The following ADARB1 variants were observed in gnomAD, a reference collection of about 807,000 sequenced individuals.
ADARB1 encodes adenosine deaminase RNA specific B1, also known as double-stranded RNA-specific editase 1.
ADARB1 carries 10 observed loss-of-function variants against 52.4 expected under a neutral mutation model. The ratio of observed to expected loss-of-function variants is 0.19; its 90% confidence interval spans 0.12 to 0.32. The LOEUF (loss-of-function observed/expected upper bound fraction) is 0.32, where lower values mean the gene tolerates loss of function less well. Among genes scored for constraint, ADARB1 ranks in the 10% least tolerant of loss-of-function variants. The pLI is 1.00. For synonymous variants in ADARB1, 349 were observed against 371.1 expected, an observed-to-expected ratio of 0.94 and a Z score of 0.68; for missense variants, 643 against 922.3, an observed-to-expected ratio of 0.70 and a Z score of 3.92.
At chr21:45,112,277 A>T (rs931075205) in intron 1 of ADARB1, among the ~76,000 whole-genome samples, 1 of 152,156 alleles carries the variant, frequency 6.6e-6, no homozygotes, top group African/African-American at 2.4e-5. Context: ...AAATTGACTC[A>T]TCATTTTTGA....
intron 1 of ADARB1, among the ~76,000 whole-genome samples, chr21:45,082,525 T>A (rs924245196): frequency 3.3e-5 from 5 of 152,180 alleles, no homozygotes; most frequent in Non-Finnish European, 4.4e-5. Context: ...TTCTTCAGGG[T>A]CCTTGTAATT....
intron 2 of ADARB1, among the ~76,000 whole-genome samples, chr21:45,135,363 C>T (rs932968677): frequency 1.3e-5 from 2 of 152,276 alleles, no homozygotes; most frequent in African/African-American, 4.8e-5. Flanking sequence ...CAGCTGTCTG[C>T]ATCCTCCTGG....
At chr21:45,145,037 A>G (rs1342329433) in intron 2 of ADARB1, 1 of 158,462 alleles carries the variant, frequency 6.3e-6, no homozygotes, top group African/African-American at 2.4e-5. Flanking sequence ...AGGATTATAC[A>G]GTGTGATAGT....
At chr21:45,102,716 G>A (rs2087075783) in intron 1 of ADARB1, among the ~76,000 whole-genome samples, 1 of 152,210 alleles carries the variant, frequency 6.6e-6, no homozygotes, top group African/African-American at 2.4e-5. Context: ...ATATCCATGA[G>A]TCCAGACTGA....
Position 45,087,787 on chromosome 21 carries a change from C to T in ADARB1, c.-220+12994C>T, listed in dbSNP as rs546175565. Reference sequence around the variant, plus strand: ...ACACACATCTCACTGTAGTACAAAGCGGCAGGGCCACAGCAAAGGGGGTGG... The same window carrying T: ...ACACACATCTCACTGTAGTACAAAGTGGCAGGGCCACAGCAAAGGGGGTGG... On this transcript the variant is annotated intron_variant, in intron 1 of 10. Transcript: ENST00000348831. 1.3e-3 allele frequency among the ~76,000 whole-genome samples: 201 copies of T among 152,246 alleles called. 5 individuals carry two copies. The South Asian group carries it at 0.036, about 27-fold the overall frequency.
chr21:45,077,676 A>G (rs2085997277), intron 1 of ADARB1, among the ~76,000 whole-genome samples: 1 of 152,088 alleles, frequency 6.6e-6, no homozygotes, highest in African/African-American at 2.4e-5. Context: ...AAAAAAAAAA[A>G]AAGAAAAGAA....
At chr21:45,170,225 T>C (rs934358109) in intron 2 of ADARB1, among the ~76,000 whole-genome samples, 1 of 152,270 alleles carries the variant, frequency 6.6e-6, no homozygotes, top group African/African-American at 2.4e-5. Context: ...TCCTTTCATT[T>C]GTAAATACTT....
At chr21:45,122,916 T>C (rs1271499038) in intron 1 of ADARB1, among the ~76,000 whole-genome samples, 1 of 152,228 alleles carries the variant, frequency 6.6e-6, no homozygotes, top group African/African-American at 2.4e-5. Flanking sequence ...TGTGGTTCCT[T>C]AGCTCTTATC....
Position 45,201,945 on chromosome 21 carries a change from G to C in ADARB1, c.1566-2610G>C, listed in dbSNP as rs566734754. Among the ~76,000 whole-genome samples, 73 of 152,308 alleles carry C rather than the reference G, an allele frequency of 4.8e-4. 1 individual carries two copies. The highest frequency in any genetic ancestry group is 2.1e-4 in the South Asian group (1 of 4,822). Reference sequence around the variant, plus strand: ...GATTGGTGTTCCAGCTGGTGGACCTGTGGACAGAAGCTTTGGGCAAGCAGC... The same window carrying C: ...GATTGGTGTTCCAGCTGGTGGACCTCTGGACAGAAGCTTTGGGCAAGCAGC... On this transcript the variant is annotated intron_variant, in intron 8 of 10. Coordinates refer to ENST00000348831, the MANE Select transcript of ADARB1 (RefSeq NM_001112.4).
intron 5 of ADARB1, 27 bp from the exon 6 acceptor site, chr21:45,182,558 A>G: frequency 6.3e-7 from 1 of 1,579,826 alleles, no homozygotes; most frequent in Non-Finnish European, 8.6e-7. Flanking sequence ...AATTACAGAA[A>G]ATAGTGTCTC....
At chr21:45,167,471 G>C (rs756072097) in intron 2 of ADARB1, among the ~76,000 whole-genome samples, 54 of 152,140 alleles carry the variant, frequency 3.5e-4, no homozygotes, top group Non-Finnish European at 6.3e-4. Context: ...TATTTTGAAG[G>C]CTGGGTGCGG....
intron 1 of ADARB1, among the ~76,000 whole-genome samples, chr21:45,121,862 T>C (rs950526786): frequency 2.0e-5 from 3 of 152,256 alleles, no homozygotes; most frequent in Non-Finnish European, 2.9e-5. Flanking sequence ...TGTTTGACTT[T>C]TCCAGCATGT....
chr21:45,215,434 G>T (rs1236909820), intron 9 of ADARB1, among the ~76,000 whole-genome samples: 1 of 151,858 alleles, frequency 6.6e-6, no homozygotes, highest in Non-Finnish European at 1.5e-5. Flanking sequence ...AATCAAGAAT[G>T]TATGCTGGAT....
chr21:45,097,327 C>T (rs567177524), intron 1 of ADARB1, among the ~76,000 whole-genome samples: 4 of 152,278 alleles, frequency 2.6e-5, no homozygotes, highest in African/African-American at 9.6e-5. Flanking sequence ...ACATGATTTT[C>T]GGGCTACTGG....
At chr21:45,131,973 A>G (rs1207988313) in intron 2 of ADARB1, among the ~76,000 whole-genome samples, 2 of 152,248 alleles carry the variant, frequency 1.3e-5, no homozygotes, top group Non-Finnish European at 2.9e-5. Context: ...GGTCAGGCCA[A>G]TGAGGGCCTT....
intron 2 of ADARB1, among the ~76,000 whole-genome samples, chr21:45,155,831 C>T (rs1485954890): frequency 3.6e-5 from 5 of 138,384 alleles, no homozygotes; most frequent in South Asian, 2.5e-4. Context: ...ATCATCCATC[C>T]ATCCATCCAC....
intron 6 of ADARB1, 119 bp downstream of exon 6, chr21:45,182,872 C>G: frequency 2.0e-6 from 2 of 1,002,566 alleles, no homozygotes; most frequent in Non-Finnish European, 2.8e-6. Flanking sequence ...AAAATCATAA[C>G]TTTAATTAGT....
intron 9 of ADARB1, among the ~76,000 whole-genome samples, chr21:45,207,691 G>A (rs956284460): frequency 9.8e-5 from 15 of 152,310 alleles, no homozygotes; most frequent in East Asian, 5.8e-4. Context: ...CACAGCTCAC[G>A]TCGTGTTTGT....
chr21:45,159,483 CATA>C (rs986291184), intron 2 of ADARB1, among the ~76,000 whole-genome samples: 2 of 152,122 alleles, frequency 1.3e-5, no homozygotes, highest in African/African-American at 4.8e-5. Flanking sequence ...GGAGCAAAAC[CATA>C]ATAATTTTCT....
Sources: allele counts gnomAD v4.1 joint callset (sites outside exome capture counted in the v4.1 genomes callset), GRCh38; gene constraint gnomAD v4.1.1; transcripts MANE v1.5; gene names NCBI Gene and HGNC (gene_info 2026-07-23, HGNC 2026-07-21).